CDKAL1: variants seen among roughly 807,000 people sequenced by gnomAD.
The protein encoded by CDKAL1 is CDKAL1 threonylcarbamoyladenosine tRNA methylthiotransferase, also known as threonylcarbamoyladenosine tRNA methylthiotransferase.
In CDKAL1, 32 loss-of-function variants were observed where a neutral mutation model predicts 68.2. The observed-to-expected ratio is 0.47, with a 90% confidence interval of 0.35 to 0.63. CDKAL1 has a LOEUF of 0.63. Ranked by LOEUF, CDKAL1 falls within the 30% of genes least tolerant of loss-of-function variation. CDKAL1 has a pLI of 0.00. For missense variants in CDKAL1, 606 were observed against 696.7 expected (o/e 0.87, Z 1.47); for synonymous variants, 234 against 244.3 (o/e 0.96, Z 0.39).
rs80324213 is a variant in CDKAL1 at position 21,037,539 on chromosome 6, A to T, written c.1056-27509A>T. 6.2e-3 allele frequency among the ~76,000 whole-genome samples: 942 copies of T among 152,326 alleles called. 10 individuals are homozygous for T. The highest frequency in any genetic ancestry group is 0.021 in the African/African-American group (880 of 41,576). On this transcript the variant is annotated intron_variant, in intron 11 of 15. Transcript: ENST00000274695. ...TCTCTGGAACAGTGCTGCCCAATAGAGCTTTCTGCAGTGATGGAAATATTC... is the reference window on the plus strand; with the variant it reads ...TCTCTGGAACAGTGCTGCCCAATAGTGCTTTCTGCAGTGATGGAAATATTC...
chr6:20,659,328 G>A (rs1769177616), intron 5 of CDKAL1, among the ~76,000 whole-genome samples: 1 of 152,104 alleles, frequency 6.6e-6, no homozygotes, highest in South Asian at 2.1e-4. Flanking sequence ...TATATGAAAT[G>A]GCTATAGTTT....
intron 4 of CDKAL1, among the ~76,000 whole-genome samples, chr6:20,628,752 A>G (rs1381556657): frequency 6.6e-6 from 1 of 152,114 alleles, no homozygotes; most frequent in Non-Finnish European, 1.5e-5. Flanking sequence ...TGACAGCTAT[A>G]TATTCTTACA....
chr6:21,157,414 A>G (rs373513870), intron 13 of CDKAL1, among the ~76,000 whole-genome samples: 11 of 152,338 alleles, frequency 7.2e-5, no homozygotes, highest in African/African-American at 2.4e-4. Context: ...CCTGGGCAAC[A>G]TAGTGAGATC....
intron 9 of CDKAL1, among the ~76,000 whole-genome samples, chr6:20,902,015 A>G (rs1225713824): frequency 1.3e-5 from 2 of 152,034 alleles, no homozygotes; most frequent in Non-Finnish European, 2.9e-5. Flanking sequence ...GTCTCAAGTG[A>G]TCTGCCTGCC....
chr6:20,568,753 A>T (rs6935465), intron 4 of CDKAL1, among the ~76,000 whole-genome samples: 2 of 127,508 alleles, frequency 1.6e-5, no homozygotes, highest in African/African-American at 6.6e-5. Flanking sequence ...AAAAAAAACA[A>T]AAAAACAAAA....
chr6:21,110,988 A>T (rs78617441), intron 13 of CDKAL1, among the ~76,000 whole-genome samples: 9,340 of 148,356 alleles, frequency 0.063, 352 homozygotes, highest in South Asian at 0.1. Flanking sequence ...ATTTTTTTTT[A>T]AAATAATTTC....
intron 9 of CDKAL1, among the ~76,000 whole-genome samples, chr6:20,851,692 G>A (rs1300710275): frequency 2.6e-5 from 4 of 151,442 alleles, no homozygotes; most frequent in South Asian, 2.1e-4. Flanking sequence ...TAGTGATTTC[G>A]ATTAATTTCG....
intron 15 of CDKAL1, among the ~76,000 whole-genome samples, chr6:21,206,196 T>C (rs1400433405): frequency 6.6e-6 from 1 of 152,122 alleles, no homozygotes; most frequent in Non-Finnish European, 1.5e-5. Context: ...AGGAGTCTTA[T>C]TCGATAACTT....
At chr6:20,669,144 T>C (rs1022070009) in intron 5 of CDKAL1, among the ~76,000 whole-genome samples, 4 of 152,196 alleles carry the variant, frequency 2.6e-5, no homozygotes, top group Non-Finnish European at 2.9e-5. Context: ...TTAATAGATA[T>C]TTTGGGATTC....
chr6:21,095,927 C>T (rs1406417404), intron 12 of CDKAL1, among the ~76,000 whole-genome samples: 1 of 152,096 alleles, frequency 6.6e-6, no homozygotes, highest in African/African-American at 2.4e-5. Flanking sequence ...AGCCCAGCCA[C>T]CCCTGAAATG....
chr6:20,819,746 CT>C (rs1307252080), intron 8 of CDKAL1, among the ~76,000 whole-genome samples: 1 of 152,018 alleles, frequency 6.6e-6, no homozygotes, highest in Non-Finnish European at 1.5e-5. Flanking sequence ...GTTTGAGTTC[CT>C]TTGTATTTTA....
chr6:20,762,584 T>C (rs1179263733), intron 7 of CDKAL1, among the ~76,000 whole-genome samples: 1 of 152,202 alleles, frequency 6.6e-6, no homozygotes, highest in African/African-American at 2.4e-5. Flanking sequence ...ATGTGGTTGT[T>C]ACAGCAGTTA....
At position 21,007,419 on chromosome 6, in the gene CDKAL1, G is replaced by A. The variant is rs1056134958; in HGVS notation, c.1055+7047G>A. 7.1e-5 allele frequency among the ~76,000 whole-genome samples: 10 copies of A among 140,410 alleles called. No individual in the cohort carries two copies. The Admixed American group carries it at 7.7e-4, about 11-fold the overall frequency. 92.1% of individuals were successfully genotyped at this position (140,410 alleles called of 152,430 possible). On this transcript the variant is annotated intron_variant, in intron 11 of 15. Transcript: ENST00000274695. ...CTGAGGTTGAGCCTGGGAGGCAGAG[G>A]CTACCATGAGCCGAGATCACACCAC...
intron 13 of CDKAL1, among the ~76,000 whole-genome samples, chr6:21,158,640 C>A (rs934056833): frequency 4.6e-5 from 7 of 152,178 alleles, no homozygotes; most frequent in African/African-American, 1.4e-4. Flanking sequence ...GTTTCCATTT[C>A]TTTTCTTTTG....
chr6:20,905,027 T>G (rs993901431), intron 9 of CDKAL1, among the ~76,000 whole-genome samples: 1 of 152,056 alleles, frequency 6.6e-6, no homozygotes, highest in Non-Finnish European at 1.5e-5. Context: ...TGTCCAGTTT[T>G]CAGCCAAAAA....
chr6:20,729,710 T>A (rs986564365), intron 5 of CDKAL1, among the ~76,000 whole-genome samples: 1 of 152,190 alleles, frequency 6.6e-6, no homozygotes, highest in Non-Finnish European at 1.5e-5. Flanking sequence ...TATGGTTATA[T>A]AGTTAGTAAA....
chr6:20,836,584 CTTAT>C (rs1245514830), intron 8 of CDKAL1, among the ~76,000 whole-genome samples: 1 of 152,134 alleles, frequency 6.6e-6, no homozygotes, highest in Non-Finnish European at 1.5e-5. Flanking sequence ...CTTTAATGTT[CTTAT>C]TTAAGTTCTT....
At chr6:20,783,939 G>A (rs1775543176) in intron 8 of CDKAL1, among the ~76,000 whole-genome samples, 1 of 152,102 alleles carries the variant, frequency 6.6e-6, no homozygotes, top group African/African-American at 2.4e-5. Context: ...TATTGGCCGG[G>A]CGTGGTGGCT....
intron 7 of CDKAL1, among the ~76,000 whole-genome samples, chr6:20,773,611 G>A (rs1249134677): frequency 3.9e-5 from 6 of 151,970 alleles, no homozygotes; most frequent in Middle Eastern, 3.4e-3. Context: ...GCAGTGGCGC[G>A]ATCTCGGCTC....
Sources: gnomAD v4.1 joint callset for allele counts (sites outside exome capture counted in the v4.1 genomes callset) on GRCh38, gnomAD v4.1.1 for gene constraint, MANE v1.5 for transcripts, NCBI Gene and HGNC (gene_info 2026-07-23, HGNC 2026-07-21) for gene names.